Variants in RANBP2 observed in about 807,000 individuals in gnomAD.
RANBP2 encodes the protein E3 SUMO-protein ligase RanBP2.
RANBP2 carries 57 observed loss-of-function variants against 303.6 expected under a neutral mutation model. That is an observed-to-expected ratio of 0.19 (90% CI 0.15 to 0.23). The LOEUF (loss-of-function observed/expected upper bound fraction) is 0.23. Among genes scored for constraint, RANBP2 ranks in the 10% least tolerant of loss-of-function variants. The pLI, the probability that RANBP2 is intolerant of heterozygous loss-of-function variation, is 1.00. For synonymous variants in RANBP2, 1,167 were observed against 1,301.5 expected, an observed-to-expected ratio of 0.90 and a Z score of 2.23; for missense variants, 3,138 against 3,780.8, an observed-to-expected ratio of 0.83 and a Z score of 4.46.
At chr2:108,929,181 G>A in the RANBP2 span, 1 of 1,613,604 alleles carries the variant, frequency 6.2e-7, no homozygotes, top group African/African-American at 1.3e-5. Context: ...GGGTTTGCCA[G>A]GAGGGCCTGT....
At chr2:109,129,145 G>A in the RANBP2 span, 1 of 384,598 alleles carries the variant, frequency 2.6e-6, no homozygotes, top group Non-Finnish European at 5.1e-6. Context: ...CGGGGACCTG[G>A]CCGGCCGCTG....
At chr2:108,725,819 C>CT (rs59967536) in intron 1 of RANBP2, among the ~76,000 whole-genome samples, 3,710 of 143,710 alleles carry the variant, frequency 0.026, 142 homozygotes, top group African/African-American at 0.087. Flanking sequence ...TGCTGTAGTT[C>CT]TTTTTTTTTT....
the RANBP2 span, among the ~76,000 whole-genome samples, chr2:109,225,113 CACA>C: frequency 4.5e-4 from 69 of 152,300 alleles, 1 homozygote; most frequent in African/African-American, 1.7e-3. Context: ...ATGACACCAG[CACA>C]GTCCCTTAAA....
chr2:109,340,451 G>A, the RANBP2 span, among the ~76,000 whole-genome samples: 1 of 152,304 alleles, frequency 6.6e-6, no homozygotes, highest in African/African-American at 2.4e-5. Flanking sequence ...TTACACCCAA[G>A]GACCATGCAT....
chr2:109,489,122 T>C, the RANBP2 span, among the ~76,000 whole-genome samples: 1 of 152,256 alleles, frequency 6.6e-6, no homozygotes, highest in African/African-American at 2.4e-5. Context: ...GATCCACACT[T>C]GCCCAGGGCA....
the RANBP2 span, among the ~76,000 whole-genome samples, chr2:109,092,943 G>T: frequency 3.3e-5 from 5 of 152,286 alleles, no homozygotes; most frequent in East Asian, 9.6e-4. Flanking sequence ...AAGCTAGCCT[G>T]GCAGGCTGGT....
chr2:109,761,586 G>A, the RANBP2 span, among the ~76,000 whole-genome samples: 15 of 147,898 alleles, frequency 1.0e-4, 1 homozygote, highest in Admixed American at 9.7e-4. Context: ...CCAGTTGCGG[G>A]TGTCTTAAAA....
chr2:109,446,677 G>A, the RANBP2 span, among the ~76,000 whole-genome samples: 2 of 152,206 alleles, frequency 1.3e-5, no homozygotes, highest in Non-Finnish European at 2.9e-5. Flanking sequence ...GTGACCAGGA[G>A]CCAGTCCTAT....
the RANBP2 span, among the ~76,000 whole-genome samples, chr2:109,688,876 TTTCCTTCC>T: frequency 2.0e-4 from 29 of 147,372 alleles, no homozygotes; most frequent in East Asian, 8.1e-4. Flanking sequence ...CTACATTTAT[TTTCCTTCC>T]TTCCTTCCTT....
At chr2:109,278,919 C>G in the RANBP2 span, among the ~76,000 whole-genome samples, 1 of 152,124 alleles carries the variant, frequency 6.6e-6, no homozygotes, top group African/African-American at 2.4e-5. Flanking sequence ...GTAGTACACC[C>G]GAGGCTCCGT....
At chr2:109,432,392 G>T in the RANBP2 span, 2 of 1,391,458 alleles carry the variant, frequency 1.4e-6, no homozygotes, top group Non-Finnish European at 2.0e-6. Context: ...ACTCTAGTGG[G>T]TCTTTTTAGG....
At chr2:109,760,255 G>T in the RANBP2 span, 20 of 148,606 alleles carry the variant, frequency 1.3e-4, no homozygotes, top group Admixed American at 8.1e-4. Flanking sequence ...CTCATTCCCA[G>T]GGGGTAGAAT....
At chr2:109,180,903 C>A in the RANBP2 span, among the ~76,000 whole-genome samples, 21 of 152,198 alleles carry the variant, frequency 1.4e-4, no homozygotes, top group African/African-American at 5.1e-4. Flanking sequence ...AGGGACCACC[C>A]CATGCAGAGA....
chr2:109,549,462 C>A, the RANBP2 span, among the ~76,000 whole-genome samples: 8 of 152,202 alleles, frequency 5.3e-5, no homozygotes, highest in Admixed American at 6.5e-5. Context: ...CACTGGGTGG[C>A]ATTTCCAGCT....
chr2:109,188,701 C>T, the RANBP2 span, among the ~76,000 whole-genome samples: 61 of 152,282 alleles, frequency 4.0e-4, no homozygotes, highest in African/African-American at 9.9e-4. Context: ...GCAAGACCAC[C>T]TCCCACCACG....
the RANBP2 span, among the ~76,000 whole-genome samples, chr2:109,287,233 G>A: frequency 6.6e-6 from 1 of 152,048 alleles, no homozygotes; most frequent in African/African-American, 2.4e-5. Flanking sequence ...TTTTCTGCTC[G>A]GGTCTAGCGA....
At chr2:109,614,225 G>T in the RANBP2 span, 2 of 895,656 alleles carry the variant, frequency 2.2e-6, no homozygotes, top group Non-Finnish European at 2.9e-6. Context: ...TTGAGGCGAG[G>T]CCGCCCTAGG....
chr2:108,743,421 C>T (rs1696274497), intron 7 of RANBP2, among the ~76,000 whole-genome samples: 1 of 152,158 alleles, frequency 6.6e-6, no homozygotes, highest in African/African-American at 2.4e-5. Context: ...CTACAGGTGC[C>T]TGCCACCATG....
At chr2:109,305,925 C>T in the RANBP2 span, among the ~76,000 whole-genome samples, 1 of 150,132 alleles carries the variant, frequency 6.7e-6, no homozygotes, top group Non-Finnish European at 1.5e-5. Flanking sequence ...GGCTGCTCCT[C>T]CAGCTGCTCC....
Sources: allele counts gnomAD v4.1 joint callset (sites outside exome capture counted in the v4.1 genomes callset), GRCh38; gene constraint gnomAD v4.1.1; transcripts MANE v1.5; gene names NCBI Gene and HGNC (gene_info 2026-07-23, HGNC 2026-07-21).